Variants in LCN8 observed in about 807,000 individuals in gnomAD.
LCN8 encodes epididymal-specific lipocalin-8.
Under a neutral mutation model 22.8 loss-of-function variants are expected in LCN8, and 16 were observed. The ratio of observed to expected loss-of-function variants is 0.70; its 90% CI spans 0.47 to 1.06. LCN8 has a LOEUF of 1.06. Ranked by LOEUF, LCN8 falls within the 50% of genes least tolerant of loss-of-function variation. LCN8 has a pLI of 0.00. For missense variants in LCN8, 189 were observed against 203.3 expected (o/e 0.93, Z 0.43); for synonymous variants, 92 against 83.4 (o/e 1.10, Z -0.56).
rs765166041 is a variant in LCN8 at position 136,756,510 on chromosome 9, A to G, written c.226+12T>C. ...CGGGTTCCACCTGCCATCACAGGGCAACTGCACTTACCAGGAAAAGCGAAT... is the reference window on the plus strand; with the variant it reads ...CGGGTTCCACCTGCCATCACAGGGCGACTGCACTTACCAGGAAAAGCGAAT... On this transcript the variant is annotated intron_variant, in intron 3 of 6. Transcript: ENST00000371688. The G allele has an allele frequency of 1.9e-6, 3 of 1,614,022 alleles. No homozygotes were observed. The highest frequency in any genetic ancestry group is 3.3e-5 in the Admixed American group (2 of 60,008).
Position 136,755,455 on chromosome 9 carries a change from G to C in LCN8, c.288C>G (p.Ser96=). Residue 96 remains serine (S), a synonymous_variant, in exon 4 of 7, where the codon TCC becomes TCG. Transcript: ENST00000371688. ...DYEGYAILRV[S]LMWRGRNFRV... ...GAAAGTTCCTGCCCCGCCACATCAG[G>C]GACACCCGCAGGATGGCGTAGCCCT... 1 of 1,613,328 alleles carries C rather than the reference G, an allele frequency of 6.2e-7. No homozygotes were observed. Among genetic ancestry groups the C allele is most frequent in the Non-Finnish European group, 8.5e-7 (1 of 1,180,024 alleles).
intron 1 of LCN8, chr9:136,757,385 A>G: frequency 7.0e-7 from 1 of 1,425,210 alleles, no homozygotes; most frequent in Non-Finnish European, 9.1e-7. Context: ...CAATGCCCAC[A>G]GGGCAGCCCC....
chr9:136,755,153 A>G lies in LCN8; in HGVS notation c.429T>C (p.Cys143=). The G allele has an allele frequency of 6.3e-7, 1 of 1,592,888 alleles. No homozygotes were observed. The highest frequency in any genetic ancestry group is 8.6e-7 in the Non-Finnish European group (1 of 1,168,732). ...GLYLAARPGR[C]AELLKEELI ...GGCTCACCTCCTTCAGGAGCTCGGC[A>G]CACCGCCCTGCAGGATAGGCCAGCA... The change falls in exon 6 of 7, where the codon TGT becomes TGC. Residue 143 remains cysteine, a synonymous_variant. Transcript: ENST00000371688.
intron 6 of LCN8, 58 bp downstream of exon 6, chr9:136,755,077 G>A (rs1384342195): frequency 1.3e-5 from 19 of 1,463,460 alleles, no homozygotes; most frequent in Non-Finnish European, 1.7e-5. Flanking sequence ...ACAGGGCCAG[G>A]GACTGGGCCA....
At chr9:136,757,373 A>T in intron 1 of LCN8, 1 of 1,431,020 alleles carries the variant, frequency 7.0e-7, no homozygotes, top group Non-Finnish European at 9.1e-7. Context: ...GCCATCAGAC[A>T]GCAATGCCCA....
intron 1 of LCN8, chr9:136,757,690 T>A (rs999756217): frequency 1.0e-6 from 1 of 985,272 alleles, no homozygotes; most frequent in African/African-American, 1.7e-5. Context: ...GAGGAAAGAA[T>A]CTTCGTCTCC....
Position 136,757,022 on chromosome 9 carries a change from C to A in LCN8, c.155+16G>T, listed in dbSNP as rs775350512. Reference sequence around the variant, plus strand: ...ATGCATGCCTCTTCCTCTCCAGCAGCCCCCAGGCCTCTTACCTGTTATATG... The same window carrying A: ...ATGCATGCCTCTTCCTCTCCAGCAGACCCCAGGCCTCTTACCTGTTATATG... On this transcript the variant is annotated intron_variant, in intron 2 of 6. Transcript: ENST00000371688. 6.2e-6 allele frequency: 10 copies of A among 1,611,144 alleles called. No homozygotes were observed. The highest frequency in any genetic ancestry group is 7.6e-6 in the Non-Finnish European group (9 of 1,178,906).
intron 5 of LCN8, 23 bp from the exon 6 acceptor site, chr9:136,755,183 G>T: frequency 6.2e-7 from 1 of 1,605,564 alleles, no homozygotes; most frequent in Non-Finnish European, 8.5e-7. Flanking sequence ...CCAGCATGAG[G>T]AGCTGCAGAG....
intron 3 of LCN8, 25 bp from the exon 4 acceptor site, chr9:136,755,541 G>A (rs1464232028): frequency 6.9e-6 from 11 of 1,602,710 alleles, no homozygotes; most frequent in Non-Finnish European, 9.4e-6. Flanking sequence ...CATGGCGTTG[G>A]GGGAGACGTC....
intron 6 of LCN8, 100 bp downstream of exon 6, chr9:136,755,035 A>C: frequency 1.4e-6 from 2 of 1,444,310 alleles, no homozygotes; most frequent in Non-Finnish European, 1.8e-6. Flanking sequence ...GGCCCAGCCC[A>C]GGGCCGGGAG....
chr9:136,756,957 C>A, intron 2 of LCN8, 81 bp downstream of exon 2: 1 of 1,481,538 alleles, frequency 6.7e-7, no homozygotes, highest in Non-Finnish European at 9.2e-7. Flanking sequence ...CCAGACCCCA[C>A]GCTGCAGCGG....
Position 136,754,425 on chromosome 9 carries a change from G to A in LCN8, c.*73C>T. The A allele has an allele frequency of 6.5e-7, 1 of 1,545,338 alleles. No individual in the cohort carries two copies. Among genetic ancestry groups the A allele is most frequent in the Non-Finnish European group, 8.7e-7 (1 of 1,145,636 alleles). ...TATTCAGAGCAGGTGCAGGTGACCT[G>A]GTGGGCAGGGTGCCCAGGAGGGGCA... On this transcript the variant is annotated 3_prime_UTR_variant, in exon 7 of 7. Coordinates refer to ENST00000371688, the MANE Select transcript of LCN8 (RefSeq NM_178469.4).
chr9:136,756,388 A>G (rs757074594), intron 3 of LCN8, 134 bp downstream of exon 3: 499 of 1,599,898 alleles, frequency 3.1e-4, no homozygotes, highest in Non-Finnish European at 4.0e-4. Flanking sequence ...CATGGGGAAC[A>G]GTGCAGGGAA....
chr9:136,754,852 C>T (rs1847145033), intron 6 of LCN8: 2 of 1,359,578 alleles, frequency 1.5e-6, no homozygotes, highest in Non-Finnish European at 1.9e-6. Flanking sequence ...CATTTCTGCT[C>T]CCCTGCCCCA....
intron 1 of LCN8, 46 bp from the exon 2 acceptor site, chr9:136,757,214 G>A: frequency 6.3e-7 from 1 of 1,593,792 alleles, no homozygotes; most frequent in Non-Finnish European, 8.5e-7. Context: ...GTGGGTCTGA[G>A]ACCCCCAGGG....
chr9:136,757,238 C>A, intron 1 of LCN8, 70 bp from the exon 2 acceptor site: 1 of 1,561,066 alleles, frequency 6.4e-7, no homozygotes, highest in Non-Finnish European at 8.7e-7. Flanking sequence ...TTCCACGAAC[C>A]CCCGGGCAGG....
rs1042605820 is a variant in LCN8 at position 136,754,514 on chromosome 9, G to A, written c.448-5C>T. The A allele has an allele frequency of 3.9e-6, 6 of 1,553,320 alleles. No homozygotes were observed. The East Asian group carries it at 9.6e-5, about 25-fold the overall frequency. On this transcript the variant is annotated splice_polypyrimidine_tract_variant and splice_region_variant and intron_variant, in intron 6 of 6. Coordinates refer to ENST00000371688, the MANE Select transcript of LCN8 (RefSeq NM_178469.4). The stretch of plus-strand genomic sequence containing the variant: ...GGAACTCCATTAAATCAGCTCCTGC[G>A]ACACAGAAGTGCAGGGGCTCAGGCC...
intron 1 of LCN8, 107 bp from the exon 2 acceptor site, chr9:136,757,275 A>C: frequency 6.6e-7 from 1 of 1,508,450 alleles, no homozygotes; most frequent in Non-Finnish European, 8.9e-7. Context: ...AGAGGTCAGC[A>C]GATGGCTGTG....
chr9:136,754,419 T>C lies in LCN8; in HGVS notation c.*79A>G. The C allele has an allele frequency of 6.5e-7, 1 of 1,534,540 alleles. No homozygotes were observed. Among genetic ancestry groups the C allele is most frequent in the Non-Finnish European group, 8.8e-7 (1 of 1,139,950 alleles). ...ACAGTTTATTCAGAGCAGGTGCAGG[T>C]GACCTGGTGGGCAGGGTGCCCAGGA... On this transcript the variant is annotated 3_prime_UTR_variant, in exon 7 of 7. Coordinates refer to ENST00000371688, the MANE Select transcript of LCN8 (RefSeq NM_178469.4).
Sources: allele counts gnomAD v4.1 joint callset, GRCh38; gene constraint gnomAD v4.1.1; transcripts MANE v1.5; gene names NCBI Gene and HGNC (gene_info 2026-07-23, HGNC 2026-07-21).